The following SLC7A1 variants were observed in gnomAD, a reference collection of about 807,000 sequenced individuals.
The protein encoded by SLC7A1 is high affinity cationic amino acid transporter 1.
In SLC7A1, 10 loss-of-function variants were observed where a neutral mutation model predicts 53.9. That is an observed-to-expected ratio of 0.19 (90% CI 0.11 to 0.31). The LOEUF (loss-of-function observed/expected upper bound fraction) is 0.31, where lower values mean the gene tolerates loss of function less well. Ranked by LOEUF, SLC7A1 falls within the 10% of genes least tolerant of loss-of-function variation. The pLI, the probability that SLC7A1 is intolerant of heterozygous loss-of-function variation, is 1.00. For synonymous variants in SLC7A1, 342 were observed against 338.7 expected, an observed-to-expected ratio of 1.01 and a Z score of -0.11; for missense variants, 525 against 827.2, an observed-to-expected ratio of 0.63 and a Z score of 4.48.
chr13:29,519,894 C>G (rs1868549004), intron 8 of SLC7A1, among the ~76,000 whole-genome samples: 1 of 152,176 alleles, frequency 6.6e-6, no homozygotes, highest in African/African-American at 2.4e-5. Context: ...TCACACAGTT[C>G]ACAAGCATAG....
intron 2 of SLC7A1, among the ~76,000 whole-genome samples, chr13:29,547,712 A>C (rs929541159): frequency 6.6e-6 from 1 of 152,246 alleles, no homozygotes; most frequent in African/African-American, 2.4e-5. Flanking sequence ...AGAACAAAGG[A>C]AGGCATGAGG....
intron 1 of SLC7A1, among the ~76,000 whole-genome samples, chr13:29,560,376 CT>C (rs1870699005): frequency 6.6e-6 from 1 of 151,732 alleles, no homozygotes; most frequent in Non-Finnish European, 1.5e-5. Context: ...GTTAACTTTT[CT>C]TGTAAGTAGG....
At position 29,523,463 on chromosome 13, in the gene SLC7A1, C is replaced by T. The variant is rs369652330; in HGVS notation, c.852G>A (p.Lys284=). The T allele has an allele frequency of 1.5e-5, 25 of 1,613,740 alleles. No individual in the cohort carries two copies. The highest frequency in any genetic ancestry group is 1.9e-5 in the Non-Finnish European group (22 of 1,179,914). ...ACGCCACGATCCCCACGGGGATGGC[C>T]TTCTGTGGGTTCTTCACCTCTTCAC... ...TTGEEVKNPQ[K]AIPVGIVASL... Residue 284 remains lysine, a synonymous_variant, in exon 7 of 13, where the codon AAG becomes AAA. Coordinates refer to ENST00000380752, the MANE Select transcript of SLC7A1 (RefSeq NM_003045.5).
intron 3 of SLC7A1, 80 bp downstream of exon 3, chr13:29,535,738 TG>T: frequency 7.0e-7 from 1 of 1,436,168 alleles, no homozygotes; most frequent in Non-Finnish European, 9.6e-7. Context: ...GACCTCCCTG[TG>T]GGGCATCCAC....
intron 9 of SLC7A1, among the ~76,000 whole-genome samples, chr13:29,518,681 G>A (rs1049828782): frequency 3.9e-5 from 6 of 152,254 alleles, no homozygotes; most frequent in Admixed American, 3.9e-4. Flanking sequence ...GGTTTTATGT[G>A]CATCAGCTGC....
At chr13:29,587,412 TCATTGGCAAACAG>T (rs1439430673) in intron 1 of SLC7A1, among the ~76,000 whole-genome samples, 1 of 152,186 alleles carries the variant, frequency 6.6e-6, no homozygotes, top group Admixed American at 6.5e-5. Context: ...AGAAGCACAG[TCATTGGCAAACAG>T]CAAACTTCAC....
intron 1 of SLC7A1, among the ~76,000 whole-genome samples, chr13:29,579,206 C>T (rs1871537736): frequency 6.6e-6 from 1 of 152,200 alleles, no homozygotes; most frequent in African/African-American, 2.4e-5. Flanking sequence ...TCTCAGGCTT[C>T]CTCCCTGGTG....
intron 5 of SLC7A1, among the ~76,000 whole-genome samples, chr13:29,524,652 C>T (rs1868802138): frequency 6.6e-6 from 1 of 152,186 alleles, no homozygotes; most frequent in Non-Finnish European, 1.5e-5. Context: ...TACCCCGGGT[C>T]CCATATTTAC....
Position 29,522,367 on chromosome 13 carries a change from T to C in SLC7A1, c.1139A>G (p.Asp380Gly). ...GGCGATTATTGGTGTTTTGGTCCTA[T>C]CATTGACGTTGGCTAAGAATTTAAA... is the stretch of plus-strand genomic sequence containing the variant. ...LLFKFLANVNDRTKTPIIATL... is the reference protein window; with the variant it reads ...LLFKFLANVNGRTKTPIIATL... The change falls in exon 8 of 13, where the codon GAT becomes GGT. Residue 380 changes from aspartate (D) to glycine (G), a missense_variant. Transcript: ENST00000380752. 6.2e-7 allele frequency: 1 copy of C among 1,614,192 alleles called. No individual in the cohort carries two copies. The highest frequency in any genetic ancestry group is 8.5e-7 in the Non-Finnish European group (1 of 1,180,036).
intron 2 of SLC7A1, 133 bp downstream of exon 2, chr13:29,553,628 A>G (rs761160792): frequency 6.6e-6 from 1 of 152,256 alleles, no homozygotes; most frequent in African/African-American, 2.4e-5. Flanking sequence ...TCTAAAAAAG[A>G]AGACAACTGG....
chr13:29,591,670 T>C (rs1872117126), intron 1 of SLC7A1, among the ~76,000 whole-genome samples: 1 of 152,014 alleles, frequency 6.6e-6, no homozygotes, highest in Admixed American at 6.5e-5. Flanking sequence ...GGAAACAAAA[T>C]TGCCATGCCC....
At chr13:29,535,714 G>A (rs186089150) in intron 3 of SLC7A1, 105 bp downstream of exon 3, 136 of 1,111,994 alleles carry the variant, frequency 1.2e-4, no homozygotes, top group East Asian at 6.4e-4. Context: ...TGTGCCTCTC[G>A]TGTTAACAAG....
At chr13:29,572,561 C>T (rs1290758420) in intron 1 of SLC7A1, among the ~76,000 whole-genome samples, 1 of 152,130 alleles carries the variant, frequency 6.6e-6, no homozygotes, top group Non-Finnish European at 1.5e-5. Context: ...CATCAGTTAT[C>T]ATCAATATGA....
chr13:29,574,643 CT>C (rs60597221), intron 1 of SLC7A1, among the ~76,000 whole-genome samples: 10,451 of 121,778 alleles, frequency 0.086, 186 homozygotes, highest in Middle Eastern at 0.14. Flanking sequence ...GCAGCTAATG[CT>C]TTTTTTTTTT....
intron 2 of SLC7A1, among the ~76,000 whole-genome samples, chr13:29,552,212 TGA>T (rs1306460273): frequency 2.2e-5 from 3 of 137,712 alleles, no homozygotes; most frequent in Non-Finnish European, 4.6e-5. Context: ...ACAAGTCAGG[TGA>T]GGGTCATTAC....
Position 29,559,603 on chromosome 13 carries a change from TGAG to T in SLC7A1, c.-114-5746_-114-5744del, listed in dbSNP as rs988806968. ...ACATGACTGCACACTGCTGGAGACT[TGAG>T]GAACACTGTACACTGAAGCTACACT... is the stretch of plus-strand genomic sequence containing the variant. On this transcript the variant is annotated intron_variant, in intron 1 of 12. Transcript: ENST00000380752. Among the ~76,000 whole-genome samples, 40 of 151,860 alleles carry T rather than the reference TGAG, an allele frequency of 2.6e-4. 1 individual carries two copies. The highest frequency in any genetic ancestry group is 9.2e-4 in the African/African-American group (38 of 41,332).
At chr13:29,568,486 G>A (rs1418164413) in intron 1 of SLC7A1, among the ~76,000 whole-genome samples, 2 of 152,192 alleles carry the variant, frequency 1.3e-5, no homozygotes, top group African/African-American at 4.8e-5. Flanking sequence ...CTCTTAAGGT[G>A]CTAGTCATCT....
At position 29,535,879 on chromosome 13, in the gene SLC7A1, T is replaced by C. The variant is rs1566259644; in HGVS notation, c.310A>G (p.Thr104Ala). ...ATGAAGGCCCAGAGCTCTCCAACGGTGACATAGCTGTAGAGGTAAGCTGAG... is the reference window on the plus strand; with the variant it reads ...ATGAAGGCCCAGAGCTCTCCAACGGCGACATAGCTGTAGAGGTAAGCTGAG... Reference protein sequence around the residue: ...TGSAYLYSYVTVGELWAFITG... With the variant: ...TGSAYLYSYVAVGELWAFITG... The change falls in exon 3 of 13, where the codon ACC (threonine) becomes GCC (alanine). Residue 104 changes from threonine (T) to alanine (A), a missense_variant. Physicochemically the swap from Thr to Ala is moderately conservative, Grantham distance 58 (BLOSUM62 0). Transcript: ENST00000380752. 1 of 1,614,002 alleles carries C rather than the reference T, an allele frequency of 6.2e-7. No homozygotes were observed. Among genetic ancestry groups the C allele is most frequent in the Non-Finnish European group, 8.5e-7 (1 of 1,179,994 alleles).
chr13:29,538,377 G>A (rs998868143), intron 2 of SLC7A1, among the ~76,000 whole-genome samples: 6 of 152,194 alleles, frequency 3.9e-5, no homozygotes, highest in African/African-American at 1.2e-4. Context: ...CAGGAAAAGG[G>A]CCCCTGAGGC....
Sources: allele counts gnomAD v4.1 joint callset (sites outside exome capture counted in the v4.1 genomes callset), GRCh38; gene constraint gnomAD v4.1.1; transcripts MANE v1.5; gene names NCBI Gene and HGNC (gene_info 2026-07-23, HGNC 2026-07-21).